TRPM6: variants seen among roughly 807,000 people sequenced by gnomAD.
TRPM6 encodes transient receptor potential cation channel subfamily M member 6.
Under a neutral mutation model 247.6 loss-of-function variants are expected in TRPM6, and 111 were observed. That is an observed-to-expected ratio of 0.45 (90% confidence interval 0.38 to 0.52). TRPM6 has a LOEUF of 0.52. Among genes scored for constraint, TRPM6 ranks in the 20% least tolerant of loss-of-function variants. The pLI is 0.00. For missense variants in TRPM6, 2,126 were observed against 2,421.5 expected (o/e 0.88, Z 2.56); for synonymous variants, 892 against 853.8 (o/e 1.04, Z -0.78).
chr9:74,837,492 G>C (rs1321697259), intron 5 of TRPM6, among the ~76,000 whole-genome samples: 2 of 151,998 alleles, frequency 1.3e-5, no homozygotes, highest in Non-Finnish European at 2.9e-5. Flanking sequence ...CGTCGCCCAG[G>C]CTGGAGTGCA....
chr9:74,852,638 C>T lies in TRPM6; in HGVS notation c.152+2889G>A, dbSNP rs559491337. 3.3e-5 allele frequency among the ~76,000 whole-genome samples: 5 copies of T among 151,204 alleles called. No individual in the cohort carries two copies. The East Asian group carries it at 7.7e-4, about 23-fold the overall frequency. On this transcript the variant is annotated intron_variant, in intron 3 of 38. Transcript: ENST00000360774. ...TGCCGAGTGCCTGGGATTGCAGGCGCGCGCCGCCACGCCTGACTGGTTTTT... is the reference window on the plus strand; with the variant it reads ...TGCCGAGTGCCTGGGATTGCAGGCGTGCGCCGCCACGCCTGACTGGTTTTT...
chr9:74,801,460 A>T (rs1258925572), intron 16 of TRPM6, among the ~76,000 whole-genome samples: 1 of 152,068 alleles, frequency 6.6e-6, no homozygotes, highest in Non-Finnish European at 1.5e-5. Context: ...AAGCATTTTT[A>T]ACTTCTATTT....
At chr9:74,800,195 G>T in intron 17 of TRPM6, 59 bp downstream of exon 17, 1 of 1,483,584 alleles carries the variant, frequency 6.7e-7, no homozygotes, top group Non-Finnish European at 9.4e-7. Context: ...TGTAACTCGA[G>T]TACAGAATTT....
At chr9:74,830,715 T>A (rs957398342) in intron 6 of TRPM6, among the ~76,000 whole-genome samples, 8 of 149,786 alleles carry the variant, frequency 5.3e-5, no homozygotes, top group Non-Finnish European at 3.0e-5. Context: ...TAGCTGAGAC[T>A]ATAGGCGTGC....
intron 7 of TRPM6, among the ~76,000 whole-genome samples, chr9:74,822,862 A>T (rs7040377): frequency 0.076 from 11,630 of 152,096 alleles, 828 homozygotes; most frequent in African/African-American, 0.19. Flanking sequence ...ACTTACATAC[A>T]TATTTTATAT....
intron 25 of TRPM6, among the ~76,000 whole-genome samples, chr9:74,769,304 C>T (rs1383396132): frequency 6.6e-6 from 1 of 152,116 alleles, no homozygotes; most frequent in Admixed American, 6.5e-5. Context: ...TGCCACCACT[C>T]CCAGCTAATT....
In TRPM6 at chr9:74,761,687, T is replaced by C. The variant is rs1281327836; in HGVS notation, c.4785+9A>G. 13 of 1,543,432 alleles carry C rather than the reference T, an allele frequency of 8.4e-6. No homozygotes were observed. In the African/African-American group the frequency reaches 1.8e-4, roughly 21 times the overall value. On this transcript the variant is annotated intron_variant, in intron 27 of 38. Coordinates refer to ENST00000360774, the MANE Select transcript of TRPM6 (RefSeq NM_017662.5). ...CAAAACCTAAAAGACAGAATAACAG[T>C]ACACTTACTGGCACCTGGAGTCCTT...
intron 24 of TRPM6, among the ~76,000 whole-genome samples, chr9:74,772,441 A>C (rs137979043): frequency 7.2e-5 from 11 of 152,312 alleles, no homozygotes; most frequent in African/African-American, 2.2e-4. Flanking sequence ...AAAATGGGGA[A>C]TCTGTCTTCT....
At chr9:74,775,072 C>T (rs550147926) in intron 24 of TRPM6, among the ~76,000 whole-genome samples, 3 of 152,292 alleles carry the variant, frequency 2.0e-5, no homozygotes, top group Non-Finnish European at 2.9e-5. Context: ...AACCACCAAA[C>T]GCAATGTTCT....
At chr9:74,830,379 T>C (rs1829501389) in intron 6 of TRPM6, among the ~76,000 whole-genome samples, 1 of 151,840 alleles carries the variant, frequency 6.6e-6, no homozygotes, top group African/African-American at 2.4e-5. Flanking sequence ...TTTTGGGGTT[T>C]TTTTGTTTGT....
intron 37 of TRPM6, among the ~76,000 whole-genome samples, chr9:74,730,594 G>A (rs1027391715): frequency 2.0e-5 from 3 of 152,088 alleles, no homozygotes; most frequent in Non-Finnish European, 2.9e-5. Flanking sequence ...AATTTACACC[G>A]GATCACCTGA....
Position 74,782,603 on chromosome 9 carries a change from T to C in TRPM6, c.3094+76A>G, listed in dbSNP as rs12339024. Reference sequence around the variant, plus strand: ...TCAAACATTTTTAAGATTTAGATGATTGTTTTTCAGATGTATTTTACTCTT... The same window carrying C: ...TCAAACATTTTTAAGATTTAGATGACTGTTTTTCAGATGTATTTTACTCTT... On this transcript the variant is annotated intron_variant, in intron 22 of 38. Transcript: ENST00000360774. 0.4 allele frequency: 615,119 copies of C among 1,544,280 alleles called. 124,308 individuals carry two copies. Among genetic ancestry groups the C allele is most frequent in the Middle Eastern group, 0.5 (2,949 of 5,942 alleles).
intron 19 of TRPM6, among the ~76,000 whole-genome samples, chr9:74,791,765 C>G (rs1482877557): frequency 1.3e-5 from 2 of 151,840 alleles, no homozygotes; most frequent in Non-Finnish European, 2.9e-5. Context: ...TGCTGATTTT[C>G]TTTTTTTTGA....
chr9:74,852,359 A>T lies in TRPM6; in HGVS notation c.152+3168T>A. On this transcript the variant is annotated intron_variant, in intron 3 of 38. Transcript: ENST00000360774. ...AGCATGTGCCCACCACACTTAGCTA[A>T]AATTTTCTTTCAATAAAAAAAAAAA... 1.3e-5 allele frequency among the ~76,000 whole-genome samples: 2 copies of T among 150,982 alleles called. 1 individual carries two copies. The highest frequency in any genetic ancestry group is 2.9e-5 in the Non-Finnish European group (2 of 67,882).
chr9:74,782,372 C>A lies in TRPM6; in HGVS notation c.3199G>T (p.Ala1067Ser). 1 of 1,611,578 alleles carries A rather than the reference C, an allele frequency of 6.2e-7. No homozygotes were observed. The highest frequency in any genetic ancestry group is 8.5e-7 in the Non-Finnish European group (1 of 1,177,820). The part of the protein sequence containing the change: ...QYIIMVNLLI[A>S]FFNNVYLDME... ...ATTGAAATAACCTACTTGAAGAAAGCAATCAACAGGTTCACCATGATGATA... is the reference window on the plus strand; with the variant it reads ...ATTGAAATAACCTACTTGAAGAAAGAAATCAACAGGTTCACCATGATGATA... The change falls in exon 23 of 39, where the codon GCT (alanine) becomes TCT (serine). Residue 1067 changes from alanine (A) to serine (S), a missense_variant. Ala to Ser is a moderately conservative substitution (Grantham distance 99). Transcript: ENST00000360774.
At chr9:74,869,795 C>T (rs899838424) in intron 1 of TRPM6, among the ~76,000 whole-genome samples, 2 of 151,776 alleles carry the variant, frequency 1.3e-5, no homozygotes, top group African/African-American at 2.4e-5. Flanking sequence ...GTAGAGATCT[C>T]GGAGAGCGGT....
intron 18 of TRPM6, among the ~76,000 whole-genome samples, chr9:74,794,184 A>T (rs1485040108): frequency 1.3e-5 from 2 of 152,152 alleles, no homozygotes; most frequent in Non-Finnish European, 2.9e-5. Flanking sequence ...GTAATTTTTA[A>T]TTTTTTAAAG....
At chr9:74,772,619 T>C (rs2889332) in intron 24 of TRPM6, among the ~76,000 whole-genome samples, 3 of 151,544 alleles carry the variant, frequency 2.0e-5, no homozygotes, top group African/African-American at 7.3e-5. Flanking sequence ...GAGGCAGATC[T>C]CCTTAAATAT....
chr9:74,867,678 T>C (rs559641742), intron 1 of TRPM6, among the ~76,000 whole-genome samples: 17 of 152,306 alleles, frequency 1.1e-4, no homozygotes, highest in African/African-American at 4.1e-4. Context: ...AAGATGTCGT[T>C]AAATTCAGTG....
Sources: allele counts gnomAD v4.1 joint callset (sites outside exome capture counted in the v4.1 genomes callset), GRCh38; gene constraint gnomAD v4.1.1; transcripts MANE v1.5; gene names NCBI Gene and HGNC (gene_info 2026-07-23, HGNC 2026-07-21).